ROBO2: variants seen among roughly 807,000 people sequenced by gnomAD.
The protein encoded by ROBO2 is roundabout homolog 2.
In ROBO2, 53 loss-of-function variants were observed where a neutral mutation model predicts 160.8. The ratio of observed to expected loss-of-function variants is 0.33; its 90% CI spans 0.26 to 0.41. The LOEUF is 0.41. Ranked by LOEUF, ROBO2 falls within the 10% of genes least tolerant of loss-of-function variation. ROBO2 has a pLI of 1.00. For synonymous variants in ROBO2, 664 were observed against 611.7 expected (o/e 1.09, Z -1.26); for missense variants, 1,577 against 1,722.4 (o/e 0.92, Z 1.49).
In ROBO2 at chr3:76,152,118, G is replaced by A. The variant is rs998533623; in HGVS notation, c.109+214516G>A. Among the ~76,000 whole-genome samples the A allele has an allele frequency of 3.3e-5, 5 of 152,212 alleles. No individual in the cohort carries two copies. The East Asian group carries it at 7.7e-4, about 24-fold the overall frequency. On this transcript the variant is annotated intron_variant, in intron 2 of 26. Transcript: ENST00000487694. ...AGTGTTGTTGGTAAAGGCCATGTGC[G>A]GTGTTTAGCAACATCCTTAATGCAC...
intron 2 of ROBO2, among the ~76,000 whole-genome samples, chr3:77,401,749 G>C (rs4131211): frequency 6.6e-6 from 1 of 151,844 alleles, no homozygotes; most frequent in South Asian, 2.1e-4. Flanking sequence ...ATTTGTTACC[G>C]GCTTCTTTAA....
At chr3:77,272,416 C>CG (rs557459128) in intron 2 of ROBO2, among the ~76,000 whole-genome samples, 3 of 151,460 alleles carry the variant, frequency 2.0e-5, no homozygotes, top group South Asian at 4.2e-4. Context: ...AAGAGAAGGG[C>CG]GGGGGGGAGG....
intron 2 of ROBO2, among the ~76,000 whole-genome samples, chr3:76,907,109 A>G (rs1267464756): frequency 2.6e-5 from 4 of 152,044 alleles, no homozygotes; most frequent in Non-Finnish European, 5.9e-5. Context: ...ATAGTTGAAT[A>G]CATGGATGAA....
intron 2 of ROBO2, among the ~76,000 whole-genome samples, chr3:77,001,897 T>C (rs879684029): frequency 6.6e-6 from 1 of 152,162 alleles, no homozygotes; most frequent in East Asian, 1.9e-4. Context: ...TCCTATCTTC[T>C]TTTATGTGTT....
chr3:76,837,901 G>C (rs1021640784), intron 2 of ROBO2, among the ~76,000 whole-genome samples: 1 of 151,922 alleles, frequency 6.6e-6, no homozygotes, highest in Non-Finnish European at 1.5e-5. Flanking sequence ...AGATAAAATT[G>C]AATTTAGTTG....
chr3:76,880,843 T>C (rs748303146), intron 2 of ROBO2, among the ~76,000 whole-genome samples: 76 of 152,150 alleles, frequency 5.0e-4, no homozygotes, highest in Non-Finnish European at 2.1e-4. Context: ...TTCTTAGAAG[T>C]TTGGACTTTG....
chr3:77,478,416 G>A (rs1371096881), intron 3 of ROBO2, among the ~76,000 whole-genome samples: 1 of 152,156 alleles, frequency 6.6e-6, no homozygotes, highest in Non-Finnish European at 1.5e-5. Flanking sequence ...GATTCTGCAT[G>A]TAGAAAAATA....
At chr3:76,648,405 A>G (rs993158880) in intron 2 of ROBO2, among the ~76,000 whole-genome samples, 1 of 152,168 alleles carries the variant, frequency 6.6e-6, no homozygotes, top group African/African-American at 2.4e-5. Flanking sequence ...AGAAGCCCAA[A>G]GAAAAACAAA....
At chr3:77,306,037 T>A (rs2153417363) in intron 2 of ROBO2, among the ~76,000 whole-genome samples, 1 of 152,252 alleles carries the variant, frequency 6.6e-6, no homozygotes, top group East Asian at 1.9e-4. Flanking sequence ...AATTAGAACA[T>A]TCTATTTTTC....
chr3:76,244,705 G>T (rs957837991), intron 2 of ROBO2, among the ~76,000 whole-genome samples: 1 of 152,090 alleles, frequency 6.6e-6, no homozygotes, highest in Non-Finnish European at 1.5e-5. Flanking sequence ...TCTAGACCTC[G>T]CACTGAGGCA....
At chr3:76,111,337 T>G (rs1024040894) in intron 2 of ROBO2, among the ~76,000 whole-genome samples, 2 of 152,050 alleles carry the variant, frequency 1.3e-5, no homozygotes, top group African/African-American at 4.8e-5. Flanking sequence ...AAGGAAGGAT[T>G]CTTTCTACTC....
At chr3:76,743,152 C>G (rs2093830262) in intron 2 of ROBO2, among the ~76,000 whole-genome samples, 1 of 152,104 alleles carries the variant, frequency 6.6e-6, no homozygotes, top group African/African-American at 2.4e-5. Flanking sequence ...TTGGGCTTCA[C>G]TGTGATTGGA....
chr3:77,296,908 T>C (rs1037750165), intron 2 of ROBO2, among the ~76,000 whole-genome samples: 3 of 152,164 alleles, frequency 2.0e-5, no homozygotes, highest in Non-Finnish European at 4.4e-5. Flanking sequence ...GGACATGTCT[T>C]TCCACCACCT....
intron 2 of ROBO2, among the ~76,000 whole-genome samples, chr3:76,192,813 A>C (rs552329501): frequency 1.0e-3 from 152 of 152,208 alleles, no homozygotes; most frequent in Non-Finnish European, 1.7e-3. Context: ...TCATCTCTCT[A>C]CAGCTTTACT....
intron 2 of ROBO2, among the ~76,000 whole-genome samples, chr3:76,656,502 T>G (rs2091529874): frequency 6.6e-6 from 1 of 152,080 alleles, no homozygotes; most frequent in Non-Finnish European, 1.5e-5. Context: ...CTGTTAAAAC[T>G]GGCCAGAAAA....
intron 2 of ROBO2, among the ~76,000 whole-genome samples, chr3:77,405,237 G>A (rs1008959665): frequency 6.6e-6 from 1 of 152,090 alleles, no homozygotes; most frequent in African/African-American, 2.4e-5. Context: ...ATATGATAGT[G>A]TATGAATGTT....
chr3:76,488,951 G>A (rs1480547650), intron 2 of ROBO2, among the ~76,000 whole-genome samples: 1 of 151,344 alleles, frequency 6.6e-6, no homozygotes, highest in Non-Finnish European at 1.5e-5. Flanking sequence ...CCTCTTTTTG[G>A]TGAGAGGGCA....
intron 2 of ROBO2, among the ~76,000 whole-genome samples, chr3:76,971,460 CAT>C (rs1355746683): frequency 1.3e-5 from 2 of 151,930 alleles, no homozygotes; most frequent in African/African-American, 2.4e-5. Flanking sequence ...GATGGATTAA[CAT>C]ATGTTAGATT....
At chr3:76,058,169 A>T (rs146399160) in intron 2 of ROBO2, among the ~76,000 whole-genome samples, 13 of 152,082 alleles carry the variant, frequency 8.5e-5, no homozygotes, top group African/African-American at 2.7e-4. Flanking sequence ...TTTGTTACGT[A>T]GGTATACACA....
Sources: gnomAD v4.1 joint callset for allele counts (sites outside exome capture counted in the v4.1 genomes callset) on GRCh38, gnomAD v4.1.1 for gene constraint, MANE v1.5 for transcripts, NCBI Gene and HGNC (gene_info 2026-07-23, HGNC 2026-07-21) for gene names.